Variants in PYHIN1 observed in about 807,000 individuals in gnomAD.
PYHIN1 encodes pyrin and HIN domain-containing protein 1.
Under a neutral mutation model 43.7 loss-of-function variants are expected in PYHIN1, and 32 were observed. The ratio of observed to expected loss-of-function variants is 0.73; its 90% confidence interval spans 0.55 to 0.98. PYHIN1 has a LOEUF of 0.98. Ranked by LOEUF, PYHIN1 falls within the 50% of genes least tolerant of loss-of-function variation. PYHIN1 has a pLI of 0.00. For synonymous variants in PYHIN1, 205 were observed against 203.1 expected, an observed-to-expected ratio of 1.01 and a Z score of -0.08; for missense variants, 588 against 589.5, an observed-to-expected ratio of 1.00 and a Z score of 0.03.
chr1:158,980,950 C>T (rs557910483), downstream of PYHIN1, among the ~76,000 whole-genome samples: 4 of 152,150 alleles, frequency 2.6e-5, no homozygotes, highest in East Asian at 3.9e-4. Context: ...ATGGTCCTAC[C>T]GATACATGAA....
chr1:158,935,798 G>A (rs948111964), intron 1 of PYHIN1, among the ~76,000 whole-genome samples: 5 of 152,128 alleles, frequency 3.3e-5, no homozygotes, highest in Non-Finnish European at 5.9e-5. Flanking sequence ...GGCAGGTTTT[G>A]GGGGATAGGC....
chr1:158,964,590 C>T (rs1650516919), intron 7 of PYHIN1, among the ~76,000 whole-genome samples: 1 of 152,114 alleles, frequency 6.6e-6, no homozygotes, highest in Non-Finnish European at 1.5e-5. Flanking sequence ...ATTCAGCATT[C>T]TTAAAGAAAA....
intron 7 of PYHIN1, 109 bp from the exon 8 acceptor site, chr1:158,973,528 CACACACACAT>C (rs1379764424): frequency 8.3e-6 from 8 of 967,326 alleles, no homozygotes; most frequent in African/African-American, 3.3e-5. Flanking sequence ...CACACACACA[CACACACACAT>C]ATACACACAT....
chr1:158,973,057 T>A lies in PYHIN1; in HGVS notation c.1360-590T>A, dbSNP rs186984551. On this transcript the variant is annotated intron_variant, in intron 7 of 8. Coordinates refer to ENST00000368140, the MANE Select transcript of PYHIN1 (RefSeq NM_152501.5). Reference sequence around the variant, plus strand: ...GTGCCACAGCACCCTCTATCAGCAGTGAACAAGAAGTCAACTTAGAGAAAG... The same window carrying A: ...GTGCCACAGCACCCTCTATCAGCAGAGAACAAGAAGTCAACTTAGAGAAAG... Among the ~76,000 whole-genome samples the A allele has an allele frequency of 1.5e-3, 228 of 152,152 alleles. 1 individual carries two copies. The highest frequency in any genetic ancestry group is 5.4e-3 in the African/African-American group (225 of 41,556).
At chr1:158,958,224 A>C (rs1650081648) in intron 7 of PYHIN1, among the ~76,000 whole-genome samples, 1 of 151,786 alleles carries the variant, frequency 6.6e-6, no homozygotes, top group Non-Finnish European at 1.5e-5. Context: ...TAGAATTAGA[A>C]ATACCATTTG....
At chr1:158,968,775 T>C (rs1240189777) in intron 7 of PYHIN1, among the ~76,000 whole-genome samples, 2 of 148,970 alleles carry the variant, frequency 1.3e-5, no homozygotes, top group Non-Finnish European at 2.9e-5. Flanking sequence ...CAAAAAACAA[T>C]AAGATCATGT....
chr1:158,941,106 G>A (rs1156821503), intron 4 of PYHIN1, among the ~76,000 whole-genome samples: 1 of 152,202 alleles, frequency 6.6e-6, no homozygotes, highest in Non-Finnish European at 1.5e-5. Flanking sequence ...ATAAAGTCCA[G>A]TCACTCACAG....
chr1:158,939,138 A>C lies in PYHIN1; in HGVS notation c.470A>C (p.Glu157Ala), dbSNP rs1346039283. The change falls in exon 4 of 9, where the codon GAG becomes GCG. Residue 157 changes from glutamate (E) to alanine (A), a missense_variant. Transcript: ENST00000368140. Reference protein sequence around the residue: ...TGTKRSKMSKEQTRPSCSAGA... With the variant: ...TGTKRSKMSKAQTRPSCSAGA... ...ACCAAAAGGAGTAAGATGTCCAAAG[A>C]GCAGACTCGGCCTTCCTGCTCTGCA... 1.2e-6 allele frequency: 2 copies of C among 1,613,722 alleles called. No individual in the cohort carries two copies. Among genetic ancestry groups the C allele is most frequent in the East Asian group, 2.2e-5 (1 of 44,900 alleles).
intron 7 of PYHIN1, among the ~76,000 whole-genome samples, chr1:158,967,189 G>T (rs908492524): frequency 6.6e-6 from 1 of 151,916 alleles, no homozygotes; most frequent in African/African-American, 2.4e-5. Flanking sequence ...TTTTTCTAGA[G>T]CAGGCTATTT....
At chr1:158,967,953 T>C (rs550930476) in intron 7 of PYHIN1, among the ~76,000 whole-genome samples, 2 of 151,806 alleles carry the variant, frequency 1.3e-5, no homozygotes, top group East Asian at 1.9e-4. Flanking sequence ...TCAAGATGAA[T>C]TGAAGGCTTC....
Position 158,973,536 on chromosome 1 carries a change from C to T in PYHIN1, c.1360-111C>T, listed in dbSNP as rs113525045. The T allele has an allele frequency of 3.2e-5, 32 of 1,014,294 alleles. No individual in the cohort carries two copies. The Middle Eastern group carries it at 8.7e-4, about 28-fold the overall frequency. 62.8% of individuals were successfully genotyped at this position (1,014,294 alleles called of 1,614,324 possible). On this transcript the variant is annotated intron_variant, in intron 7 of 8. Coordinates refer to ENST00000368140, the MANE Select transcript of PYHIN1 (RefSeq NM_152501.5). ...ACACACACACACACACACACACACACATATACACACATGTATTACATCCAA... is the reference window on the plus strand; with the variant it reads ...ACACACACACACACACACACACACATATATACACACATGTATTACATCCAA...
chr1:158,983,958 T>TC, the PYHIN1 span, among the ~76,000 whole-genome samples: 1 of 151,500 alleles, frequency 6.6e-6, no homozygotes, highest in Non-Finnish European at 1.5e-5. Context: ...TGAGAGTTTT[T>TC]GTATTTCTGT....
intron 4 of PYHIN1, among the ~76,000 whole-genome samples, chr1:158,941,726 T>C (rs1648925402): frequency 6.6e-6 from 1 of 152,226 alleles, no homozygotes; most frequent in African/African-American, 2.4e-5. Context: ...TGTCTTTTGT[T>C]GCTATTATAT....
rs1648310285 is a variant in PYHIN1 at position 158,933,672 on chromosome 1, C to T, written c.-21+1896C>T. Among the ~76,000 whole-genome samples the T allele has an allele frequency of 6.6e-6, 1 of 151,948 alleles. No homozygotes were observed. The highest frequency in any genetic ancestry group is 6.6e-5 in the Admixed American group (1 of 15,248). ...CTGCTATCTTCACTTCAATTTATAA[C>T]ACTTCTATATTCTCCTACTTGTCTG... On this transcript the variant is annotated intron_variant, in intron 1 of 8. Coordinates refer to ENST00000368140, the MANE Select transcript of PYHIN1 (RefSeq NM_152501.5). This position sits in a 1 kb window ranked among gnomAD's most constrained non-coding sequence, Gnocchi z 6.3.
At chr1:158,969,514 T>C (rs979360291) in intron 7 of PYHIN1, among the ~76,000 whole-genome samples, 1 of 152,024 alleles carries the variant, frequency 6.6e-6, no homozygotes, top group Non-Finnish European at 1.5e-5. Context: ...GAGTTCTCAT[T>C]TTTACATTTT....
Position 158,939,106 on chromosome 1 carries a change from G to C in PYHIN1, c.438G>C (p.Glu146Asp). ...PQKRKKPSEE[E>D]TGTKRSKMSK... is the part of the protein sequence containing the mutation. ...AAAGAAAAAAACCATCTGAAGAAGAGACTGGAACCAAAAGGAGTAAGATGT... is the reference window on the plus strand; with the variant it reads ...AAAGAAAAAAACCATCTGAAGAAGACACTGGAACCAAAAGGAGTAAGATGT... The change falls in exon 4 of 9, where the codon GAG (glutamate) becomes GAC (aspartate). Residue 146 changes from glutamate (E) to aspartate (D), a missense_variant. Transcript: ENST00000368140. 1.9e-6 allele frequency: 3 copies of C among 1,600,916 alleles called. No homozygotes were observed. Among genetic ancestry groups the C allele is most frequent in the Non-Finnish European group, 2.5e-6 (3 of 1,176,656 alleles).
At chr1:158,973,234 G>A (rs1320751736) in intron 7 of PYHIN1, among the ~76,000 whole-genome samples, 1 of 151,934 alleles carries the variant, frequency 6.6e-6, no homozygotes, top group Non-Finnish European at 1.5e-5. Context: ...TATGTGACTG[G>A]ATTTTTCTTT....
chr1:158,946,547 T>TAGA (rs145557906), intron 7 of PYHIN1, among the ~76,000 whole-genome samples: 3 of 148,424 alleles, frequency 2.0e-5, no homozygotes, highest in Admixed American at 1.4e-4. Flanking sequence ...AGCACAGTGA[T>TAGA]TAGATAGATA....
intron 7 of PYHIN1, among the ~76,000 whole-genome samples, chr1:158,956,539 G>A (rs2101694997): frequency 6.6e-6 from 1 of 151,482 alleles, no homozygotes; most frequent in East Asian, 1.9e-4. Flanking sequence ...AAAAGCCTTT[G>A]ACAAAATTCA....
Sources: allele counts gnomAD v4.1 joint callset (sites outside exome capture counted in the v4.1 genomes callset), GRCh38; gene constraint gnomAD v4.1.1; non-coding constraint Gnocchi (gnomAD v3.1); transcripts MANE v1.5; gene names NCBI Gene and HGNC (gene_info 2026-07-23, HGNC 2026-07-21).